The following TST variants were observed in gnomAD, a reference collection of about 807,000 sequenced individuals.
TST encodes thiosulfate sulfurtransferase, also known as epididymis secretory sperm binding protein.
Under a neutral mutation model 20.4 loss-of-function variants are expected in TST, and 22 were observed. The ratio of observed to expected loss-of-function variants is 1.08; its 90% CI spans 0.77 to 1.54. TST has a LOEUF of 1.54. Ranked by LOEUF, TST falls within the 40% of genes most tolerant of loss-of-function variation. The pLI is 0.00. For missense variants in TST, 392 were observed against 405.2 expected, an observed-to-expected ratio of 0.97 and a Z score of 0.28; for synonymous variants, 187 against 173.8, an observed-to-expected ratio of 1.08 and a Z score of -0.60.
upstream of TST, chr22:37,019,514 G>GT: frequency 6.7e-6 from 1 of 149,662 alleles, no homozygotes; most frequent in South Asian, 2.1e-4. Flanking sequence ...GCCAGAGGGG[G>GT]ACCCTGCGCC....
chr22:37,014,845 C>T (rs1366681001), intron 2 of TST, among the ~76,000 whole-genome samples: 3 of 152,162 alleles, frequency 2.0e-5, no homozygotes, highest in East Asian at 1.9e-4. Flanking sequence ...AGCTGTCTGG[C>T]GCTTTCTCCT....
At chr22:37,016,255 C>T (rs1190223562) in intron 2 of TST, among the ~76,000 whole-genome samples, 2 of 152,022 alleles carry the variant, frequency 1.3e-5, no homozygotes, top group African/African-American at 4.8e-5. Flanking sequence ...GCCACTGCTA[C>T]ATTTAAACAA....
upstream of TST, chr22:37,019,922 C>T (rs112170090): frequency 5.3e-3 from 5,328 of 997,142 alleles, 213 homozygotes; most frequent in African/African-American, 0.077. Context: ...GAGGGAGTGG[C>T]TCTTTGGGGG....
intron 2 of TST, among the ~76,000 whole-genome samples, 161 bp from the exon 3 acceptor site, chr22:37,011,486 T>A (rs5756477): frequency 6.6e-6 from 1 of 151,948 alleles, no homozygotes; most frequent in Non-Finnish European, 1.5e-5. Flanking sequence ...GCCCCACCTA[T>A]TATCATTTCT....
chr22:37,019,591 C>T, upstream of TST: 1 of 188,440 alleles, frequency 5.3e-6, no homozygotes, highest in Non-Finnish European at 1.1e-5. Context: ...ACCTCGCGCG[C>T]GGGGCCTCCG....
At position 37,011,311 on chromosome 22, in the gene TST, G is replaced by A; in HGVS notation, c.610C>T (p.His204Tyr). The change falls in exon 3 of 3, where the codon CAT (histidine) becomes TAT (tyrosine). Residue 204 changes from histidine to tyrosine, a missense_variant. Transcript: ENST00000249042. ...GGCATGTTGACGGCACCACGGATATGGCCCGAGTCCAGTCCTGGGCAGGGC... is the reference window on the plus strand; with the variant it reads ...GGCATGTTGACGGCACCACGGATATAGCCCGAGTCCAGTCCTGGGCAGGGC... ...EPDAVGLDSG[H>Y]IRGAVNMPFM... 2 of 1,612,926 alleles carry A rather than the reference G, an allele frequency of 1.2e-6. No individual in the cohort carries two copies. The highest frequency in any genetic ancestry group is 1.7e-6 in the Non-Finnish European group (2 of 1,179,220).
intron 2 of TST, among the ~76,000 whole-genome samples, chr22:37,017,327 T>C (rs1469551764): frequency 1.3e-5 from 2 of 152,144 alleles, no homozygotes; most frequent in East Asian, 3.9e-4. Flanking sequence ...GGGGAACTTC[T>C]GAGTCGCCTT....
At chr22:37,019,003 C>CT (rs1287614255) in intron 1 of TST, 2 of 388,514 alleles carry the variant, frequency 5.1e-6, no homozygotes, top group African/African-American at 4.1e-5. Context: ...TTTCCGAGGA[C>CT]TCCAAGTAGG....
At chr22:37,019,767 C>A, upstream of TST, 2 of 689,680 alleles carry the variant, frequency 2.9e-6, no homozygotes, top group Non-Finnish European at 4.1e-6. Flanking sequence ...CCCTTTGGTC[C>A]GCTGCAGGTT....
intron 2 of TST, among the ~76,000 whole-genome samples, chr22:37,013,510 TAGG>T (rs953730145): frequency 2.7e-5 from 4 of 150,570 alleles, no homozygotes; most frequent in African/African-American, 9.8e-5. Flanking sequence ...CAGGCTGAGG[TAGG>T]AGGATCACTT....
chr22:37,012,946 G>A (rs1922534323), intron 2 of TST, among the ~76,000 whole-genome samples: 1 of 152,244 alleles, frequency 6.6e-6, no homozygotes, highest in African/African-American at 2.4e-5. Context: ...GGAGGCTGAG[G>A]GAGGAGAAAC....
At chr22:37,018,908 T>A in intron 1 of TST, 155 bp from the exon 2 acceptor site, 1 of 534,100 alleles carries the variant, frequency 1.9e-6, no homozygotes. Context: ...TGCAGCGGGA[T>A]AAGTTTGCAG....
rs1922817031 is a variant in TST at position 37,018,711 on chromosome 22, GGTA to G, written c.19_21del (p.Tyr7del). On this transcript the variant is annotated inframe_deletion, in exon 2 of 3. Transcript: ENST00000249042. The stretch of plus-strand genomic sequence containing the variant: ...AGCCACTTGGTGGAGACCAGCGCCC[GGTA>G]GAGCACCTGATGAACCATGGCTTCA... 4 of 1,507,870 alleles carry G rather than the reference GGTA, an allele frequency of 2.7e-6. No homozygotes were observed. The Admixed American group carries it at 9.0e-5, about 34-fold the overall frequency. The allele number at this position is 1,507,870 out of a possible 1,614,324, so 93.4% of individuals were successfully genotyped here. A position where few individuals can be genotyped will look rare whatever the true frequency, so the allele number is the denominator to read the frequency against.
intron 2 of TST, among the ~76,000 whole-genome samples, chr22:37,017,497 A>G (rs1569162483): frequency 6.6e-6 from 1 of 150,686 alleles, no homozygotes; most frequent in Non-Finnish European, 1.5e-5. Context: ...CAGTCCCCCC[A>G]CCCCCCGCTG....
In TST at chr22:37,011,066, T is replaced by TG. The variant is rs778536084; in HGVS notation, c.854dup (p.Glu286ArgfsTer10). 8.7e-5 allele frequency: 140 copies of TG among 1,611,642 alleles called. No individual in the cohort carries two copies. Among genetic ancestry groups the TG allele is most frequent in the Non-Finnish European group, 9.8e-5 (116 of 1,179,746 alleles). ...ACTTTCCCTGGGACACACGGCTCTC[T>TG]GGGGGGGCCCGGCGAAACCACTCGG... is the stretch of plus-strand genomic sequence containing the variant. On this transcript the variant is annotated frameshift_variant, in exon 3 of 3. Transcript: ENST00000249042. LOFTEE classifies it high-confidence loss of function.
intron 2 of TST, among the ~76,000 whole-genome samples, chr22:37,016,090 C>T (rs768162973): frequency 1.2e-4 from 18 of 151,726 alleles, no homozygotes; most frequent in South Asian, 2.1e-4. Context: ...ATTACAGGCA[C>T]GTACCACCAA....
At position 37,011,171 on chromosome 22, in the gene TST, C is replaced by T. The variant is rs769898420; in HGVS notation, c.750G>A (p.Lys250=). 3 of 1,613,784 alleles carry T rather than the reference C, an allele frequency of 1.9e-6. No homozygotes were observed. Among genetic ancestry groups the T allele is most frequent in the Non-Finnish European group, 2.5e-6 (3 of 1,180,022 alleles). The part of the protein sequence containing the change: ...LSQPLIATCR[K]GVTACHVALA... ...AGGCCACGTGGCAGGCGGTGACTCC[C>T]TTGCGGCACGTGGCAATGAGAGGCT... is the stretch of plus-strand genomic sequence containing the variant. Residue 250 remains lysine (K), a synonymous_variant, in exon 3 of 3, where the codon AAG becomes AAA. Transcript: ENST00000249042.
upstream of TST, chr22:37,019,542 G>C (rs1328273449): frequency 6.6e-6 from 1 of 151,130 alleles, no homozygotes; most frequent in African/African-American, 2.4e-5. Flanking sequence ...GCCATCCCGC[G>C]CCTCCCCCGC....
At position 37,019,290 on chromosome 22, in the gene TST, G is replaced by GCTCGACCCCGCCTTCATCAAGACCTACGA; in HGVS notation, c.-22+109_-22+110insTCGTAGGTCTTGATGAAGGCGGGGTCGAG. On this transcript the variant is annotated intron_variant, in intron 1 of 2. Coordinates refer to ENST00000249042, the MANE Select transcript of TST (RefSeq NM_003312.6). ...GCTGCCCTCTGCCCTAGGTGGATCA[G>GCTCGACCCCGCCTTCATCAAGACCTACGA]GGGTTCCCGGGGCACCCCGTCCCAC... The GCTCGACCCCGCCTTCATCAAGACCTACGA allele has an allele frequency of 1.3e-5, 2 of 152,006 alleles. 1 individual carries two copies. Among genetic ancestry groups the GCTCGACCCCGCCTTCATCAAGACCTACGA allele is most frequent in the Non-Finnish European group, 2.9e-5 (2 of 67,844 alleles). 9.4% of individuals were successfully genotyped at this position (152,006 alleles called of 1,614,324 possible). A position where few individuals can be genotyped will look rare whatever the true frequency, so the allele number is the denominator to read the frequency against.
Sources: allele counts gnomAD v4.1 joint callset (sites outside exome capture counted in the v4.1 genomes callset), GRCh38; gene constraint gnomAD v4.1.1; transcripts MANE v1.5; gene names NCBI Gene and HGNC (gene_info 2026-07-23, HGNC 2026-07-21).